The following DPP6 variants were observed in gnomAD, a reference collection of about 807,000 sequenced individuals.
DPP6 encodes dipeptidyl peptidase like 6.
In DPP6, 69 loss-of-function variants were observed where a neutral mutation model predicts 122.6. That is an observed-to-expected ratio of 0.56 (90% confidence interval 0.46 to 0.69). DPP6 has a LOEUF of 0.69. Among genes scored for constraint, DPP6 ranks in the 30% least tolerant of loss-of-function variants. The pLI is 0.00. For synonymous variants in DPP6, 418 were observed against 433.1 expected (o/e 0.97, Z 0.43); for missense variants, 928 against 1,116.9 (o/e 0.83, Z 2.41).
At chr7:154,322,879 C>T (rs1022120134) in intron 1 of DPP6, among the ~76,000 whole-genome samples, 3 of 152,084 alleles carry the variant, frequency 2.0e-5, no homozygotes, top group Non-Finnish European at 2.9e-5. Flanking sequence ...ATCACACAAC[C>T]GACGTTATCA....
chr7:153,778,956 G>A, the DPP6 span, among the ~76,000 whole-genome samples: 1 of 147,402 alleles, frequency 6.8e-6, no homozygotes, highest in Non-Finnish European at 1.5e-5. Context: ...GTGAGCGGAT[G>A]AACAAATTGT....
chr7:154,127,618 CACACACACACACACAG>C (rs1243351237), intron 1 of DPP6, among the ~76,000 whole-genome samples: 5 of 113,314 alleles, frequency 4.4e-5, no homozygotes, highest in Non-Finnish European at 8.8e-5. Context: ...CACACACACA[CACACACACACACACAG>C]ACACACACAC....
At chr7:154,199,466 T>G (rs1799051710) in intron 1 of DPP6, among the ~76,000 whole-genome samples, 1 of 152,210 alleles carries the variant, frequency 6.6e-6, no homozygotes, top group African/African-American at 2.4e-5. Flanking sequence ...TTGGGCAAAC[T>G]TAATTGGTAG....
At position 154,565,402 on chromosome 7, in the gene DPP6, C is replaced by T. The variant is rs183650070; in HGVS notation, c.553-1440C>T. ...TTAAAGTATATCCCAAGGTGTGCAC[C>T]ATGTGATATTACGAGCCCTTTAAAG... On this transcript the variant is annotated intron_variant, in intron 4 of 25. Transcript: ENST00000377770. Among the ~76,000 whole-genome samples the T allele has an allele frequency of 2.2e-3, 331 of 152,300 alleles. 1 individual carries two copies. The highest frequency in any genetic ancestry group is 7.6e-3 in the African/African-American group (316 of 41,558).
intron 1 of DPP6, among the ~76,000 whole-genome samples, chr7:154,056,404 A>G (rs994797960): frequency 2.6e-5 from 4 of 152,250 alleles, no homozygotes; most frequent in African/African-American, 9.6e-5. Flanking sequence ...TTTTAGTGGA[A>G]TGTATTAACT....
At chr7:153,921,341 A>T (rs1367290279) in intron 1 of DPP6, among the ~76,000 whole-genome samples, 1 of 152,276 alleles carries the variant, frequency 6.6e-6, no homozygotes, top group Non-Finnish European at 1.5e-5. Context: ...GATAACAGAC[A>T]TCTTAAGTAT....
the DPP6 span, among the ~76,000 whole-genome samples, chr7:153,765,623 G>T: frequency 6.6e-6 from 1 of 152,120 alleles, no homozygotes; most frequent in East Asian, 1.9e-4. Flanking sequence ...CTACATTCAG[G>T]GGGTATATCA....
intron 10 of DPP6, among the ~76,000 whole-genome samples, chr7:154,773,662 T>C (rs913728015): frequency 4.6e-5 from 7 of 152,138 alleles, no homozygotes; most frequent in African/African-American, 1.4e-4. Flanking sequence ...CAAGTATAGA[T>C]TCTGAAATTT....
intron 1 of DPP6, among the ~76,000 whole-genome samples, chr7:154,065,524 C>G: frequency 6.6e-6 from 1 of 151,526 alleles, no homozygotes. Context: ...CTTTGCTGTC[C>G]TCACTGGCCG....
intron 5 of DPP6, among the ~76,000 whole-genome samples, chr7:154,615,666 T>C (rs2015308): frequency 0.41 from 62,060 of 150,070 alleles, 13,821 homozygotes; most frequent in East Asian, 0.65. Context: ...AATACTGACT[T>C]CCCCTTCCCA....
chr7:154,697,140 CAG>C (rs1238353254), intron 7 of DPP6, among the ~76,000 whole-genome samples: 1 of 152,210 alleles, frequency 6.6e-6, no homozygotes, highest in Non-Finnish European at 1.5e-5. Context: ...GTAGGTCACA[CAG>C]GGGCACAGTA....
At chr7:154,271,036 T>A (rs1803753818) in intron 1 of DPP6, among the ~76,000 whole-genome samples, 1 of 152,242 alleles carries the variant, frequency 6.6e-6, no homozygotes, top group South Asian at 2.1e-4. Flanking sequence ...AAGACTGGGT[T>A]GATGTTCCAC....
chr7:154,064,626 C>G (rs1348054756), intron 1 of DPP6, among the ~76,000 whole-genome samples: 2 of 151,986 alleles, frequency 1.3e-5, no homozygotes. Context: ...AAAACTCTTT[C>G]TATCTGTGTC....
chr7:154,139,182 C>T (rs1008012408), intron 1 of DPP6, among the ~76,000 whole-genome samples: 1 of 150,754 alleles, frequency 6.6e-6, no homozygotes, highest in African/African-American at 2.5e-5. Context: ...GGCTGAGTCG[C>T]ATGCAGGCCA....
intron 1 of DPP6, among the ~76,000 whole-genome samples, chr7:153,903,105 C>A (rs1440901069): frequency 6.6e-6 from 1 of 152,166 alleles, no homozygotes; most frequent in Non-Finnish European, 1.5e-5. Flanking sequence ...AATTGAGGAT[C>A]AGGAGACTGC....
intron 1 of DPP6, among the ~76,000 whole-genome samples, chr7:154,317,803 A>G (rs1330620082): frequency 6.6e-6 from 1 of 152,170 alleles, no homozygotes; most frequent in African/African-American, 2.4e-5. Context: ...AATTATACTT[A>G]AAGTAACAGA....
chr7:153,872,502 A>C, the DPP6 span, among the ~76,000 whole-genome samples: 1 of 152,218 alleles, frequency 6.6e-6, no homozygotes, highest in Non-Finnish European at 1.5e-5. Context: ...AAGAATTCTC[A>C]TTGATGTAGC....
At chr7:154,274,040 A>G (rs889731118) in intron 1 of DPP6, among the ~76,000 whole-genome samples, 7 of 152,202 alleles carry the variant, frequency 4.6e-5, no homozygotes, top group Non-Finnish European at 7.3e-5. Context: ...TGGCTGTACC[A>G]TATGGGAACT....
intron 1 of DPP6, among the ~76,000 whole-genome samples, chr7:154,087,488 G>A (rs1358671098): frequency 6.6e-6 from 1 of 152,224 alleles, no homozygotes; most frequent in Admixed American, 6.5e-5. Context: ...AACATGGAGT[G>A]TAAGAGCAGA....
Sources: gnomAD v4.1 joint callset for allele counts (sites outside exome capture counted in the v4.1 genomes callset) on GRCh38, gnomAD v4.1.1 for gene constraint, MANE v1.5 for transcripts, NCBI Gene and HGNC (gene_info 2026-07-23, HGNC 2026-07-21) for gene names.